The following RALGAPA1 variants were observed in gnomAD, a reference collection of about 807,000 sequenced individuals.
The protein encoded by RALGAPA1 is Ral GTPase activating protein catalytic subunit alpha 1, also known as ral GTPase-activating protein subunit alpha-1.
Under a neutral mutation model 269.6 loss-of-function variants are expected in RALGAPA1, and 52 were observed. The ratio of observed to expected loss-of-function variants is 0.19; its 90% CI spans 0.15 to 0.24. RALGAPA1 has a LOEUF of 0.24. Ranked by LOEUF, RALGAPA1 falls within the 10% of genes least tolerant of loss-of-function variation. The probability of loss-of-function intolerance (pLI) is 1.00; values close to 1 mark genes in which losing one functional copy is unlikely to be tolerated. For missense variants in RALGAPA1, 1,917 were observed against 3,013.9 expected, an observed-to-expected ratio of 0.64 and a Z score of 8.52; for synonymous variants, 817 against 1,008.3, an observed-to-expected ratio of 0.81 and a Z score of 3.60.
chr14:35,761,090 G>T, intron 5 of RALGAPA1, 84 bp from the exon 6 acceptor site: 1 of 1,016,546 alleles, frequency 9.8e-7, no homozygotes, highest in Non-Finnish European at 1.4e-6. Flanking sequence ...TCTAGATGAT[G>T]ACAACAGAAT....
intron 16 of RALGAPA1, chr14:35,715,719 T>G: frequency 1.0e-6 from 1 of 985,336 alleles, no homozygotes; most frequent in Non-Finnish European, 1.2e-6. Flanking sequence ...GAAATTAACT[T>G]GTATCCTTCT....
intron 1 of RALGAPA1, among the ~76,000 whole-genome samples, chr14:35,790,370 A>G (rs1189907022): frequency 1.3e-5 from 2 of 152,116 alleles, no homozygotes; most frequent in African/African-American, 4.8e-5. Flanking sequence ...TGGTAATATG[A>G]GGAAATAGTA....
intron 31 of RALGAPA1, among the ~76,000 whole-genome samples, chr14:35,638,704 C>T (rs563439141): frequency 2.0e-5 from 3 of 152,202 alleles, no homozygotes; most frequent in African/African-American, 7.2e-5. Flanking sequence ...GTAAGCAGAT[C>T]ACCTGAGGTC....
At chr14:35,726,124 C>T (rs775942206) in intron 13 of RALGAPA1, among the ~76,000 whole-genome samples, 3 of 152,244 alleles carry the variant, frequency 2.0e-5, no homozygotes, top group South Asian at 4.1e-4. Flanking sequence ...CATAGCGATA[C>T]GTGGAACAGT....
chr14:35,780,742 A>C (rs1448173184), intron 1 of RALGAPA1, among the ~76,000 whole-genome samples: 1 of 152,218 alleles, frequency 6.6e-6, no homozygotes, highest in Non-Finnish European at 1.5e-5. Context: ...CTATAGCTTT[A>C]AATTGCTATA....
At chr14:35,671,064 G>A (rs1278819285) in intron 26 of RALGAPA1, among the ~76,000 whole-genome samples, 2 of 152,102 alleles carry the variant, frequency 1.3e-5, no homozygotes, top group African/African-American at 4.8e-5. Context: ...ACAACACGAT[G>A]ATTTGATACA....
At chr14:35,756,731 A>T in intron 7 of RALGAPA1, 62 bp downstream of exon 7, 2 of 1,156,266 alleles carry the variant, frequency 1.7e-6, no homozygotes, top group Non-Finnish European at 1.2e-6. Context: ...GGTAAGAGAC[A>T]GAAAAGGGAA....
chr14:35,774,856 C>A, intron 3 of RALGAPA1, 150 bp downstream of exon 3: 1 of 636,676 alleles, frequency 1.6e-6, no homozygotes, highest in South Asian at 1.9e-5. Flanking sequence ...AGGATTCAGT[C>A]AGGCATATTT....
At chr14:35,610,369 G>A (rs566785329) in intron 35 of RALGAPA1, among the ~76,000 whole-genome samples, 15 of 150,384 alleles carry the variant, frequency 1.0e-4, no homozygotes, top group South Asian at 8.4e-4. Flanking sequence ...TGCAAGCTCC[G>A]CCTCCCGGGT....
At chr14:35,679,944 A>T (rs2065269704) in intron 21 of RALGAPA1, among the ~76,000 whole-genome samples, 2 of 152,100 alleles carry the variant, frequency 1.3e-5, no homozygotes, top group African/African-American at 2.4e-5. Flanking sequence ...CCTTTATTTG[A>T]GATTTGGAGT....
intron 16 of RALGAPA1, among the ~76,000 whole-genome samples, chr14:35,706,029 T>C (rs531255496): frequency 5.2e-4 from 79 of 152,214 alleles, no homozygotes; most frequent in Non-Finnish European, 2.5e-4. Flanking sequence ...TCTTTGTATA[T>C]TTTAGAACCA....
chr14:35,637,518 ACAGT>A (rs1348070532), intron 31 of RALGAPA1, among the ~76,000 whole-genome samples: 6 of 152,306 alleles, frequency 3.9e-5, no homozygotes, highest in South Asian at 4.1e-4. Context: ...TTGAAAATAC[ACAGT>A]CAGAGGCGAC....
intron 5 of RALGAPA1, among the ~76,000 whole-genome samples, chr14:35,761,911 G>T (rs1281789512): frequency 6.6e-6 from 1 of 152,170 alleles, no homozygotes; most frequent in African/African-American, 2.4e-5. Context: ...CCCAAGCCAT[G>T]ATGCCAAAAG....
At chr14:35,563,271 T>G (rs2056436414) in intron 39 of RALGAPA1, among the ~76,000 whole-genome samples, 1 of 151,580 alleles carries the variant, frequency 6.6e-6, no homozygotes, top group Non-Finnish European at 1.5e-5. Context: ...GTAAAGGAGG[T>G]TTTTTTTCTT....
rs1362559560 is a variant in RALGAPA1 at position 35,775,684 on chromosome 14, AT to A, written c.167del (p.Tyr56LeufsTer8). On this transcript the variant is annotated frameshift_variant, in exon 2 of 42. Coordinates refer to ENST00000680220, the MANE Select transcript of RALGAPA1 (RefSeq NM_001346249.2). LOFTEE classifies it high-confidence loss of function. ...FFDQHFSHIY[Y>X]VFFENFVTIE... is the part of the protein sequence containing the mutation. Reference sequence around the variant, plus strand: ...TAGTCACAAAATTTTCAAAGAACACATAGTATATATGTGAAAAATGTTGGTC... The same window carrying A: ...TAGTCACAAAATTTTCAAAGAACACAAGTATATATGTGAAAAATGTTGGTC... 6.3e-7 allele frequency: 1 copy of A among 1,584,460 alleles called. No homozygotes were observed. Among genetic ancestry groups the A allele is most frequent in the Non-Finnish European group, 8.5e-7 (1 of 1,170,764 alleles).
chr14:35,548,349 A>C (rs1328841740), intron 41 of RALGAPA1, among the ~76,000 whole-genome samples, 159 bp downstream of exon 41: 1 of 152,158 alleles, frequency 6.6e-6, no homozygotes, highest in Non-Finnish European at 1.5e-5. Flanking sequence ...AGTCAGTATA[A>C]TACTGGAAAA....
intron 17 of RALGAPA1, among the ~76,000 whole-genome samples, chr14:35,695,327 C>A (rs374722976): frequency 4.1e-4 from 63 of 151,876 alleles, no homozygotes; most frequent in African/African-American, 1.4e-3. Flanking sequence ...ACACTGATGA[C>A]AGGAAAAAAT....
At chr14:35,717,180 C>T (rs997006942) in intron 16 of RALGAPA1, among the ~76,000 whole-genome samples, 1 of 152,134 alleles carries the variant, frequency 6.6e-6, no homozygotes, top group Non-Finnish European at 1.5e-5. Context: ...GACGGAGTTT[C>T]GCTCTTGTTG....
intron 31 of RALGAPA1, among the ~76,000 whole-genome samples, chr14:35,636,749 A>G (rs1448016132): frequency 1.3e-5 from 2 of 152,106 alleles, no homozygotes; most frequent in African/African-American, 4.8e-5. Flanking sequence ...TTGAACTCCT[A>G]GCCTCAAGTG....
Sources: gnomAD v4.1 joint callset for allele counts (sites outside exome capture counted in the v4.1 genomes callset) on GRCh38, gnomAD v4.1.1 for gene constraint, MANE v1.5 for transcripts, NCBI Gene and HGNC (gene_info 2026-07-23, HGNC 2026-07-21) for gene names.